Variants in MAGI2 observed in about 807,000 individuals in gnomAD.
The protein encoded by MAGI2 is membrane-associated guanylate kinase, WW and PDZ domain-containing protein 2.
MAGI2 carries 35 observed loss-of-function variants against 133.3 expected under a neutral mutation model. That is an observed-to-expected ratio of 0.26 (90% confidence interval 0.20 to 0.35). The LOEUF (loss-of-function observed/expected upper bound fraction) is 0.35. Ranked by LOEUF, MAGI2 falls within the 10% of genes least tolerant of loss-of-function variation. The pLI, the probability that MAGI2 is intolerant of heterozygous loss-of-function variation, is 1.00. For missense variants in MAGI2, 1,636 were observed against 1,863.4 expected (o/e 0.88, Z 2.25); for synonymous variants, 729 against 710.6 (o/e 1.03, Z -0.41).
chr7:79,188,277 C>T (rs1827339946), intron 1 of MAGI2, among the ~76,000 whole-genome samples: 1 of 151,716 alleles, frequency 6.6e-6, no homozygotes, highest in Admixed American at 6.6e-5. Context: ...CTACCCTTTC[C>T]ACCCCGCCTC....
intron 1 of MAGI2, among the ~76,000 whole-genome samples, chr7:79,179,912 A>G (rs1826464147): frequency 6.6e-6 from 1 of 152,056 alleles, no homozygotes; most frequent in Non-Finnish European, 1.5e-5. Context: ...AAAAAGAAAA[A>G]TAGACAAACG....
intron 2 of MAGI2, among the ~76,000 whole-genome samples, chr7:78,631,025 A>G (rs1281933683): frequency 1.3e-5 from 2 of 152,014 alleles, no homozygotes; most frequent in African/African-American, 2.4e-5. Context: ...CTCCATCCTC[A>G]TGGTGGCTGA....
At chr7:78,283,107 T>A (rs1795793940) in intron 9 of MAGI2, among the ~76,000 whole-genome samples, 1 of 152,102 alleles carries the variant, frequency 6.6e-6, no homozygotes, top group Non-Finnish European at 1.5e-5. Flanking sequence ...CAGTGATACT[T>A]CTGCCTCCCA....
intron 18 of MAGI2, among the ~76,000 whole-genome samples, chr7:78,130,942 G>A (rs1395452127): frequency 1.3e-5 from 2 of 152,212 alleles, no homozygotes; most frequent in East Asian, 3.8e-4. Context: ...GTATCCAGCT[G>A]TTGTTCTCCC....
intron 1 of MAGI2, among the ~76,000 whole-genome samples, chr7:79,349,294 A>G (rs911009794): frequency 1.3e-5 from 2 of 152,060 alleles, no homozygotes; most frequent in Admixed American, 6.6e-5. Flanking sequence ...ATTATCTTGC[A>G]AATGTTGTTT....
At position 79,188,656 on chromosome 7, in the gene MAGI2, T is replaced by C. The variant is rs370325633; in HGVS notation, c.302-181450A>G. 4.3e-4 allele frequency among the ~76,000 whole-genome samples: 66 copies of C among 151,992 alleles called. 1 individual carries two copies. The highest frequency in any genetic ancestry group is 1.5e-3 in the African/African-American group (64 of 41,436). On this transcript the variant is annotated intron_variant, in intron 1 of 21. Coordinates refer to ENST00000354212, the MANE Select transcript of MAGI2 (RefSeq NM_012301.4). ...TATAATAAACAATCACTGAGGTCACTTTCAAAGCTAAAAAGCGCTAATATT... is the reference window on the plus strand; with the variant it reads ...TATAATAAACAATCACTGAGGTCACCTTCAAAGCTAAAAAGCGCTAATATT...
At chr7:79,114,205 A>C (rs1819188656) in intron 1 of MAGI2, among the ~76,000 whole-genome samples, 1 of 152,182 alleles carries the variant, frequency 6.6e-6, no homozygotes, top group Admixed American at 6.5e-5. Flanking sequence ...CCCTGTATTT[A>C]ATAGAGCCAC....
At chr7:78,535,709 C>T (rs1211965042) in intron 3 of MAGI2, among the ~76,000 whole-genome samples, 3 of 152,216 alleles carry the variant, frequency 2.0e-5, no homozygotes, top group East Asian at 1.9e-4. Context: ...AGTAGACTGT[C>T]TTTGCAGGAC....
At chr7:78,702,884 A>C (rs1231479300) in intron 2 of MAGI2, among the ~76,000 whole-genome samples, 1 of 151,904 alleles carries the variant, frequency 6.6e-6, no homozygotes, top group African/African-American at 2.4e-5. Context: ...TTGGTTAAAT[A>C]AGTCTGGGGC....
intron 3 of MAGI2, among the ~76,000 whole-genome samples, chr7:78,526,384 G>C (rs988369772): frequency 2.6e-5 from 4 of 152,166 alleles, no homozygotes; most frequent in African/African-American, 9.7e-5. Context: ...GGAGAGTACA[G>C]GCTTTTCTAG....
At chr7:78,529,126 C>T (rs1797221419) in intron 3 of MAGI2, among the ~76,000 whole-genome samples, 1 of 152,088 alleles carries the variant, frequency 6.6e-6, no homozygotes, top group African/African-American at 2.4e-5. Context: ...CTTTATTATT[C>T]ACCAGTGCTC....
At chr7:78,658,007 T>C (rs1300031717) in intron 2 of MAGI2, among the ~76,000 whole-genome samples, 2 of 152,154 alleles carry the variant, frequency 1.3e-5, no homozygotes, top group Non-Finnish European at 2.9e-5. Context: ...AAACAACCAA[T>C]TGGAAAGTGC....
chr7:79,331,394 T>C (rs1840061575), intron 1 of MAGI2, among the ~76,000 whole-genome samples: 1 of 152,144 alleles, frequency 6.6e-6, no homozygotes, highest in South Asian at 2.1e-4. Context: ...TGAATTGAAA[T>C]GTCAATAAAA....
At chr7:78,392,501 A>G (rs1187409242) in intron 6 of MAGI2, among the ~76,000 whole-genome samples, 1 of 152,208 alleles carries the variant, frequency 6.6e-6, no homozygotes, top group African/African-American at 2.4e-5. Context: ...TATATATAAT[A>G]TAGATCAACT....
At chr7:78,590,396 G>A (rs1201929293) in intron 3 of MAGI2, among the ~76,000 whole-genome samples, 1 of 152,166 alleles carries the variant, frequency 6.6e-6, no homozygotes, top group East Asian at 1.9e-4. Flanking sequence ...AGGAGCTTGG[G>A]TCATCTTTAC....
chr7:78,356,119 C>T (rs1792051454), intron 7 of MAGI2, among the ~76,000 whole-genome samples: 1 of 152,144 alleles, frequency 6.6e-6, no homozygotes, highest in African/African-American at 2.4e-5. Flanking sequence ...TTTGCCCTTA[C>T]TGACTCTGGA....
intron 3 of MAGI2, chr7:78,567,918 C>T (rs561547387): frequency 6.6e-6 from 1 of 152,334 alleles, no homozygotes; most frequent in East Asian, 1.9e-4. Context: ...GGCATTTGTC[C>T]ACACCATTAC....
intron 1 of MAGI2, among the ~76,000 whole-genome samples, chr7:79,444,671 A>G (rs1026446007): frequency 2.6e-5 from 4 of 152,178 alleles, no homozygotes; most frequent in African/African-American, 9.7e-5. Flanking sequence ...AGAGGATACA[A>G]ACAAATGGAA....
intron 1 of MAGI2, among the ~76,000 whole-genome samples, chr7:79,091,431 G>T (rs1233879033): frequency 6.6e-6 from 1 of 152,044 alleles, no homozygotes; most frequent in Non-Finnish European, 1.5e-5. Flanking sequence ...TATTATTTCT[G>T]AGGCTAAGCA....
Sources: gnomAD v4.1 joint callset for allele counts (sites outside exome capture counted in the v4.1 genomes callset) on GRCh38, gnomAD v4.1.1 for gene constraint, MANE v1.5 for transcripts, NCBI Gene and HGNC (gene_info 2026-07-23, HGNC 2026-07-21) for gene names.